LRP6: variants seen among roughly 807,000 people sequenced by gnomAD.
LRP6 encodes low-density lipoprotein receptor-related protein 6.
Under a neutral mutation model 184.1 loss-of-function variants are expected in LRP6, and 43 were observed. The observed-to-expected ratio is 0.23, with a 90% CI of 0.18 to 0.30. LRP6 has a LOEUF of 0.30. Among genes scored for constraint, LRP6 ranks in the 10% least tolerant of loss-of-function variants. LRP6 has a pLI of 1.00. For missense variants in LRP6, 1,571 were observed against 2,005.3 expected (o/e 0.78, Z 4.14); for synonymous variants, 719 against 684.9 (o/e 1.05, Z -0.78).
Position 12,244,450 on chromosome 12 carries a change from C to T in LRP6, c.261G>A (p.Gln87=), listed in dbSNP as rs1865136810. The T allele has an allele frequency of 1.2e-6, 2 of 1,614,206 alleles. No individual in the cohort carries two copies. The highest frequency in any genetic ancestry group is 1.1e-5 in the South Asian group (1 of 91,084). The change falls in exon 2 of 23, where the codon CAG becomes CAA. Residue 87 remains glutamine (Q), a synonymous_variant. Coordinates refer to ENST00000261349, the MANE Select transcript of LRP6 (RefSeq NM_002336.3). ...RTEFNKTESV[Q]NVVVSGLLSP... ...ACAATAATCCAGAAACAACAACATT[C>T]TGCACACTCTCAGTTTTGTTAAATT... is the stretch of plus-strand genomic sequence containing the variant.
intron 15 of LRP6, chr12:12,138,870 G>A (rs1193209025): frequency 1.5e-6 from 2 of 1,376,354 alleles, no homozygotes; most frequent in East Asian, 8.9e-5. Flanking sequence ...AGCAGTGGTG[G>A]TGGACCCAGA....
chr12:12,221,408 A>G (rs114074069), intron 2 of LRP6, among the ~76,000 whole-genome samples: 1 of 152,194 alleles, frequency 6.6e-6, no homozygotes, highest in Admixed American at 6.5e-5. Context: ...AGCATGTTTA[A>G]GACTATGCAC....
chr12:12,138,611 C>A (rs1349296161), intron 15 of LRP6, 77 bp from the exon 16 acceptor site: 2 of 1,351,300 alleles, frequency 1.5e-6, no homozygotes, highest in African/African-American at 1.5e-5. Flanking sequence ...TACTGACTAC[C>A]AGTTAGATTC....
intron 12 of LRP6, among the ~76,000 whole-genome samples, chr12:12,153,481 T>A (rs1950108743): frequency 6.6e-6 from 1 of 152,210 alleles, no homozygotes; most frequent in Non-Finnish European, 1.5e-5. Context: ...CACAATTAGT[T>A]GTGGATCTTG....
intron 2 of LRP6, among the ~76,000 whole-genome samples, chr12:12,241,648 T>C (rs1439887049): frequency 2.0e-5 from 3 of 152,090 alleles, no homozygotes; most frequent in East Asian, 1.9e-4. Context: ...CCGCTCTCTC[T>C]CCCCTACTCT....
rs115432386 is a variant in LRP6 at position 12,173,779 on chromosome 12, C to T, written c.1545+6031G>A. 7.8e-3 allele frequency among the ~76,000 whole-genome samples: 1,195 copies of T among 152,260 alleles called. 9 individuals carry two copies. Among genetic ancestry groups the T allele is most frequent in the African/African-American group, 0.027 (1,135 of 41,544 alleles). ...AGGATTACAAGTGTGAGCCACTGTG[C>T]CCAATAATCAACTAGCAATTTTCAA... On this transcript the variant is annotated intron_variant, in intron 7 of 22. Transcript: ENST00000261349.
intron 2 of LRP6, among the ~76,000 whole-genome samples, chr12:12,237,671 G>T (rs1424211165): frequency 6.6e-6 from 1 of 152,222 alleles, no homozygotes; most frequent in Non-Finnish European, 1.5e-5. Context: ...TGCCAAAAAT[G>T]TATAACTTTA....
In LRP6 at chr12:12,203,332, C is replaced by T. The variant is rs965261554; in HGVS notation, c.518G>A (p.Arg173His). The T allele has an allele frequency of 4.3e-6, 7 of 1,613,972 alleles. No individual in the cohort carries two copies. The highest frequency in any genetic ancestry group is 5.9e-6 in the Non-Finnish European group (7 of 1,179,882). The change falls in exon 3 of 23, where the codon CGC (arginine) becomes CAC (histidine). Residue 173 changes from arginine (R) to histidine (H), a missense_variant. This residue lies in a region of LRP6 where 640 missense variants were observed against 851.9 expected (regional missense o/e 0.75). Transcript: ENST00000261349. ...IERAGMDGSS[R>H]FIIINSEIYW... Reference sequence around the variant, plus strand: ...AATTTCACTGTTTATTATAATGAAGCGACTTGAACCATCCATTCCAGCACG... The same window carrying T: ...AATTTCACTGTTTATTATAATGAAGTGACTTGAACCATCCATTCCAGCACG...
At chr12:12,127,021 G>C (rs745877557) in intron 19 of LRP6, 100 bp from the exon 20 acceptor site, 1 of 955,086 alleles carries the variant, frequency 1.0e-6, no homozygotes. Context: ...GAAGCTATAA[G>C]CCTAATGAAG....
chr12:12,179,375 G>T lies in LRP6; in HGVS notation c.1545+435C>A, dbSNP rs796844381. Among the ~76,000 whole-genome samples the T allele has an allele frequency of 1.4e-4, 6 of 41,700 alleles. No individual in the cohort carries two copies. In the Admixed American group the frequency reaches 1.7e-3, roughly 12 times the overall value. 27.4% of individuals were successfully genotyped at this position (41,700 alleles called of 152,430 possible). A position where few individuals can be genotyped will look rare whatever the true frequency, so the allele number is the denominator to read the frequency against. On this transcript the variant is annotated intron_variant, in intron 7 of 22. Coordinates refer to ENST00000261349, the MANE Select transcript of LRP6 (RefSeq NM_002336.3). ...AACAGCAATAAAAGATATAGATATA[G>T]ATATAGATATAGATATAGATATAGA...
intron 15 of LRP6, among the ~76,000 whole-genome samples, chr12:12,141,454 C>T (rs1033621071): frequency 6.6e-6 from 1 of 151,996 alleles, no homozygotes; most frequent in Non-Finnish European, 1.5e-5. Context: ...AATTATCAAC[C>T]AAGTGTGAGG....
At chr12:12,179,757 G>A (rs564157552) in intron 7 of LRP6, 53 bp downstream of exon 7, 13 of 1,572,158 alleles carry the variant, frequency 8.3e-6, no homozygotes, top group Admixed American at 3.3e-5. Context: ...TTATACTGTC[G>A]ACTCAAAACC....
intron 1 of LRP6, among the ~76,000 whole-genome samples, chr12:12,254,295 G>A (rs1433098372): frequency 1.3e-5 from 2 of 152,116 alleles, no homozygotes; most frequent in Non-Finnish European, 2.9e-5. Flanking sequence ...TAGAAAAACA[G>A]ATGGGTTCGT....
At chr12:12,125,499 T>A in intron 20 of LRP6, 67 bp from the exon 21 acceptor site, 1 of 1,374,012 alleles carries the variant, frequency 7.3e-7, no homozygotes, top group Non-Finnish European at 1.0e-6. Flanking sequence ...AGCAATTTCA[T>A]TCAACAGTAG....
In LRP6 at chr12:12,116,409, C is replaced by T. The variant is rs887239094; in HGVS notation, c.*4717G>A. ...TCTTGGTATCCTCTCTACTTTTTAA[C>T]ATTTTTCCTTACTAATCCATATATT... On this transcript the variant is annotated 3_prime_UTR_variant, in exon 23 of 23. Coordinates refer to ENST00000261349, the MANE Select transcript of LRP6 (RefSeq NM_002336.3). The T allele has an allele frequency of 4.6e-5, 7 of 152,206 alleles. No homozygotes were observed. The highest frequency in any genetic ancestry group is 1.7e-4 in the African/African-American group (7 of 41,444). 9.4% of individuals were successfully genotyped at this position (152,206 alleles called of 1,614,324 possible).
intron 12 of LRP6, among the ~76,000 whole-genome samples, chr12:12,152,448 A>G (rs1950094860): frequency 6.6e-6 from 1 of 151,886 alleles, no homozygotes; most frequent in Non-Finnish European, 1.5e-5. Context: ...CACCATGCCC[A>G]GCTAATTTTT....
intron 19 of LRP6, among the ~76,000 whole-genome samples, chr12:12,129,154 T>C (rs1355650254): frequency 6.6e-6 from 1 of 152,220 alleles, no homozygotes; most frequent in Non-Finnish European, 1.5e-5. Context: ...CATCTCTGTA[T>C]TCCTCTTGAT....
At chr12:12,263,924 G>A (rs1054867283) in intron 1 of LRP6, among the ~76,000 whole-genome samples, 2 of 151,928 alleles carry the variant, frequency 1.3e-5, no homozygotes, top group African/African-American at 4.8e-5. Context: ...GATCACTTGA[G>A]GCCAGGAGTT....
intron 7 of LRP6, among the ~76,000 whole-genome samples, chr12:12,169,254 T>TAATA (rs1555110251): frequency 1.3e-5 from 2 of 151,322 alleles, no homozygotes; most frequent in Non-Finnish European, 2.9e-5. Flanking sequence ...ATAATAATAA[T>TAATA]AATAAATAAA....
Sources: gnomAD v4.1 joint callset for allele counts (sites outside exome capture counted in the v4.1 genomes callset) on GRCh38, gnomAD v4.1.1 for gene constraint, gnomAD v4.1.1 regional missense constraint, MANE v1.5 for transcripts, NCBI Gene and HGNC (gene_info 2026-07-23, HGNC 2026-07-21) for gene names.